Variants in PLXNA4 observed in about 807,000 individuals in gnomAD.
PLXNA4 encodes plexin-A4.
Under a neutral mutation model 191.8 loss-of-function variants are expected in PLXNA4, and 44 were observed. That is an observed-to-expected ratio of 0.23 (90% confidence interval 0.18 to 0.29). The LOEUF is 0.29. Ranked by LOEUF, PLXNA4 falls within the 10% of genes least tolerant of loss-of-function variation. The pLI, the probability that PLXNA4 is intolerant of heterozygous loss-of-function variation, is 1.00. For synonymous variants in PLXNA4, 1,082 were observed against 1,009.5 expected (o/e 1.07, Z -1.36); for missense variants, 1,800 against 2,488.8 (o/e 0.72, Z 5.89).
chr7:132,426,833 C>T (rs760210071), intron 3 of PLXNA4, among the ~76,000 whole-genome samples: 16 of 152,100 alleles, frequency 1.1e-4, no homozygotes, highest in Non-Finnish European at 1.5e-4. Flanking sequence ...ATTCACATGT[C>T]GTCTCATTAA....
At chr7:132,384,922 C>T in intron 3 of PLXNA4, 3 of 1,273,606 alleles carry the variant, frequency 2.4e-6, no homozygotes, top group East Asian at 4.0e-5. Flanking sequence ...AGTGATAACA[C>T]CACAAGAGTC....
At chr7:132,156,039 C>T (rs1348359148) in intron 25 of PLXNA4, among the ~76,000 whole-genome samples, 1 of 151,872 alleles carries the variant, frequency 6.6e-6, no homozygotes, top group East Asian at 1.9e-4. Context: ...GGTCTCCAGC[C>T]TGCCAGCCAA....
At chr7:132,535,305 A>C (rs918723532) in intron 1 of PLXNA4, among the ~76,000 whole-genome samples, 1 of 152,260 alleles carries the variant, frequency 6.6e-6, no homozygotes, top group African/African-American at 2.4e-5. Flanking sequence ...CAAAAACATC[A>C]GAGACCAAAC....
At chr7:132,292,841 A>C (rs1275896535) in intron 4 of PLXNA4, among the ~76,000 whole-genome samples, 1 of 152,248 alleles carries the variant, frequency 6.6e-6, no homozygotes, top group African/African-American at 2.4e-5. Flanking sequence ...ATATTTATGT[A>C]GGGTGGCCAG....
At chr7:132,283,228 C>A (rs960496892) in intron 4 of PLXNA4, among the ~76,000 whole-genome samples, 2 of 152,096 alleles carry the variant, frequency 1.3e-5, no homozygotes, top group South Asian at 4.1e-4. Context: ...TAAACAATGG[C>A]TCCTAAATTA....
At chr7:132,430,454 A>G (rs190732894) in intron 3 of PLXNA4, among the ~76,000 whole-genome samples, 1 of 152,248 alleles carries the variant, frequency 6.6e-6, no homozygotes, top group Admixed American at 6.5e-5. Flanking sequence ...AGGGAGAATT[A>G]GGTCCAGCTG....
intron 3 of PLXNA4, among the ~76,000 whole-genome samples, chr7:132,335,725 C>T (rs568080401): frequency 1.3e-5 from 2 of 152,316 alleles, no homozygotes; most frequent in African/African-American, 2.4e-5. Flanking sequence ...TAGAGCTCTT[C>T]GAAGACAGGA....
At chr7:132,438,344 C>T (rs572095529) in intron 3 of PLXNA4, among the ~76,000 whole-genome samples, 2 of 152,088 alleles carry the variant, frequency 1.3e-5, no homozygotes, top group African/African-American at 2.4e-5. Context: ...TAGGGCCTGG[C>T]ATGTAGTAAG....
At chr7:132,554,556 C>T (rs979917390) in intron 1 of PLXNA4, among the ~76,000 whole-genome samples, 4 of 152,150 alleles carry the variant, frequency 2.6e-5, no homozygotes, top group African/African-American at 9.7e-5. Context: ...CCAGCTTAAT[C>T]GTTTGTCATC....
intron 4 of PLXNA4, among the ~76,000 whole-genome samples, chr7:132,290,831 A>C (rs968694699): frequency 3.9e-5 from 6 of 152,190 alleles, no homozygotes; most frequent in Admixed American, 2.0e-4. Flanking sequence ...TACCCGGAAC[A>C]TGGCATTTGC....
intron 4 of PLXNA4, among the ~76,000 whole-genome samples, chr7:132,263,860 T>C (rs959520015): frequency 5.3e-5 from 8 of 152,144 alleles, no homozygotes; most frequent in Non-Finnish European, 1.2e-4. Context: ...GCTTGGGAAA[T>C]AGCAAGTACT....
At chr7:132,488,483 T>C (rs1317202380) in intron 3 of PLXNA4, among the ~76,000 whole-genome samples, 2 of 152,168 alleles carry the variant, frequency 1.3e-5, no homozygotes, top group Non-Finnish European at 2.9e-5. Flanking sequence ...ATCATCAATA[T>C]TTCCTGGGAA....
chr7:132,512,767 G>A (rs1186464275), intron 1 of PLXNA4, among the ~76,000 whole-genome samples: 2 of 152,248 alleles, frequency 1.3e-5, no homozygotes, highest in Admixed American at 6.5e-5. Flanking sequence ...AGAGTTTCCA[G>A]GGGGGTTTCC....
intron 3 of PLXNA4, among the ~76,000 whole-genome samples, chr7:132,394,064 G>T (rs1014682948): frequency 6.6e-6 from 1 of 151,668 alleles, no homozygotes; most frequent in African/African-American, 2.4e-5. Context: ...AGTTTGCCTG[G>T]CTAGCAGCCA....
chr7:132,389,623 C>A (rs1805313238), intron 3 of PLXNA4, among the ~76,000 whole-genome samples: 1 of 152,150 alleles, frequency 6.6e-6, no homozygotes, highest in Admixed American at 6.5e-5. Flanking sequence ...TTCCATTGGT[C>A]TAGATATCTG....
intron 1 of PLXNA4, among the ~76,000 whole-genome samples, chr7:132,559,087 T>C (rs11979118): frequency 0.52 from 79,615 of 151,924 alleles, 21,332 homozygotes; most frequent in South Asian, 0.67. Context: ...GCCCCAGGCC[T>C]TGACCTCTGC....
intron 4 of PLXNA4, among the ~76,000 whole-genome samples, chr7:132,253,462 C>T (rs1799326763): frequency 6.6e-6 from 1 of 152,082 alleles, no homozygotes; most frequent in Non-Finnish European, 1.5e-5. Flanking sequence ...CCAAGCTGAT[C>T]TTGAACTCCT....
rs1794853506 is a variant in PLXNA4 at position 132,128,984 on chromosome 7, T to C, written c.*1495A>G. ...CCCTCCATTAGACCATCTCTCCCCA[T>C]AGCCTCTGCTTACCTAGTATCAATT... On this transcript the variant is annotated 3_prime_UTR_variant, in exon 32 of 32. Transcript: ENST00000321063. The C allele has an allele frequency of 6.6e-6, 1 of 152,258 alleles. No homozygotes were observed. Among genetic ancestry groups the C allele is most frequent in the African/African-American group, 2.4e-5 (1 of 41,450 alleles). The allele number at this position is 152,258 out of a possible 1,614,324, so 9.4% of individuals were successfully genotyped here.
intron 4 of PLXNA4, among the ~76,000 whole-genome samples, chr7:132,244,200 T>C (rs905510243): frequency 1.3e-5 from 2 of 152,136 alleles, no homozygotes; most frequent in African/African-American, 4.8e-5. Context: ...GGCTTCTTTG[T>C]GATGATCTGA....
Sources: allele counts gnomAD v4.1 joint callset (sites outside exome capture counted in the v4.1 genomes callset), GRCh38; gene constraint gnomAD v4.1.1; transcripts MANE v1.5; gene names NCBI Gene and HGNC (gene_info 2026-07-23, HGNC 2026-07-21).